TSPEAR: variants seen among roughly 807,000 people sequenced by gnomAD.
The protein encoded by TSPEAR is thrombospondin-type laminin G domain and EAR repeat-containing protein.
TSPEAR carries 69 observed loss-of-function variants against 71.6 expected under a neutral mutation model. The ratio of observed to expected loss-of-function variants is 0.96; its 90% CI spans 0.79 to 1.18. The LOEUF (loss-of-function observed/expected upper bound fraction) is 1.18. Among genes scored for constraint, TSPEAR ranks in the 50% most tolerant of loss-of-function variants. The pLI, the probability that TSPEAR is intolerant of heterozygous loss-of-function variation, is 0.00. For missense variants in TSPEAR, 971 were observed against 894.9 expected, an observed-to-expected ratio of 1.09 and a Z score of -1.09; for synonymous variants, 402 against 387.2, an observed-to-expected ratio of 1.04 and a Z score of -0.45.
At chr21:44,644,256 C>T (rs1361697582) in intron 1 of TSPEAR, among the ~76,000 whole-genome samples, 1 of 152,214 alleles carries the variant, frequency 6.6e-6, no homozygotes, top group Admixed American at 6.5e-5. Context: ...ACAGTTGCAC[C>T]TCATGTTGTG....
intron 1 of TSPEAR, among the ~76,000 whole-genome samples, chr21:44,689,731 A>ATT (rs1987040564): frequency 8.4e-6 from 1 of 118,474 alleles, no homozygotes; most frequent in African/African-American, 3.5e-5. Context: ...ATATATATAT[A>ATT]TATATATATT....
At position 44,674,233 on chromosome 21, in the gene TSPEAR, G is replaced by C. The variant is rs187818890; in HGVS notation, c.82+37200C>G. Reference sequence around the variant, plus strand: ...TTAGTAGAAGGAAAGAGACAATAAAGTATATAGCTAAACAAAATAGACTTT... The same window carrying C: ...TTAGTAGAAGGAAAGAGACAATAAACTATATAGCTAAACAAAATAGACTTT... On this transcript the variant is annotated intron_variant, in intron 1 of 11. Transcript: ENST00000323084. Among the ~76,000 whole-genome samples the C allele has an allele frequency of 6.7e-5, 10 of 150,186 alleles. No homozygotes were observed. In the East Asian group the frequency reaches 1.9e-3, roughly 29 times the overall value.
intron 1 of TSPEAR, among the ~76,000 whole-genome samples, chr21:44,634,340 G>T (rs781828076): frequency 1.8e-4 from 27 of 152,104 alleles, no homozygotes; most frequent in Admixed American, 1.7e-3. Flanking sequence ...AACTAAAAAT[G>T]GATCAAAGCC....
chr21:44,574,459 G>T (rs1467336415), intron 1 of TSPEAR: 5 of 1,601,264 alleles, frequency 3.1e-6, no homozygotes, highest in Non-Finnish European at 4.3e-6. Flanking sequence ...CCCGTCTGCT[G>T]CAAGACTGTC....
chr21:44,628,385 T>C (rs1258451045), intron 1 of TSPEAR: 9 of 342,254 alleles, frequency 2.6e-5, no homozygotes, highest in African/African-American at 6.3e-5. Context: ...CCCAGCTGAC[T>C]CCGTGCTGAC....
In TSPEAR at chr21:44,559,247, G is replaced by A. The variant is rs190597112; in HGVS notation, c.303+8538C>T. Among the ~76,000 whole-genome samples the A allele has an allele frequency of 5.9e-5, 9 of 152,008 alleles. No homozygotes were observed. The South Asian group carries it at 6.2e-4, about 11-fold the overall frequency. ...AGATGCTCAGTTGGCCTGGCCACACGGCGAGATCCACCCTGTGGGTTGACA... is the reference window on the plus strand; with the variant it reads ...AGATGCTCAGTTGGCCTGGCCACACAGCGAGATCCACCCTGTGGGTTGACA... On this transcript the variant is annotated intron_variant, in intron 2 of 11. Coordinates refer to ENST00000323084, the MANE Select transcript of TSPEAR (RefSeq NM_144991.3).
intron 1 of TSPEAR, among the ~76,000 whole-genome samples, chr21:44,591,103 G>C (rs233298): frequency 0.082 from 12,461 of 151,320 alleles, 219 homozygotes; most frequent in East Asian, 0.18. Flanking sequence ...ACAGGACAGA[G>C]GTTGGTGTGA....
intron 1 of TSPEAR, chr21:44,666,866 G>A (rs199664418): frequency 1.9e-6 from 3 of 1,613,588 alleles, no homozygotes; most frequent in African/African-American, 1.3e-5. Flanking sequence ...GGCAGCCCGA[G>A]GAGCAGCTGG....
intron 1 of TSPEAR, among the ~76,000 whole-genome samples, chr21:44,657,324 G>A (rs1393009543): frequency 1.3e-5 from 2 of 152,144 alleles, no homozygotes; most frequent in South Asian, 2.1e-4. Context: ...ATAACTTCTT[G>A]TATAGATTAC....
intron 2 of TSPEAR, among the ~76,000 whole-genome samples, chr21:44,544,249 C>A (rs1018540219): frequency 8.6e-5 from 13 of 151,888 alleles, no homozygotes; most frequent in African/African-American, 2.9e-4. Flanking sequence ...ATACTAAACA[C>A]TGTGGGATTC....
rs189440962 is a variant in TSPEAR at position 44,678,440 on chromosome 21, G to C, written c.82+32993C>G. Among the ~76,000 whole-genome samples the C allele has an allele frequency of 4.2e-3, 635 of 152,196 alleles. 23 individuals are homozygous for C. Among genetic ancestry groups the C allele is most frequent in the Admixed American group, 0.04 (605 of 15,292 alleles). On this transcript the variant is annotated intron_variant, in intron 1 of 11. Transcript: ENST00000323084. Reference sequence around the variant, plus strand: ...AGCACTGGTGCCCCTTTTGCCTTCTGCCATGACTGTAAGCTTCCTGAGGCC... The same window carrying C: ...AGCACTGGTGCCCCTTTTGCCTTCTCCCATGACTGTAAGCTTCCTGAGGCC...
At chr21:44,515,246 T>C (rs1343123464) in intron 9 of TSPEAR, among the ~76,000 whole-genome samples, 1 of 152,232 alleles carries the variant, frequency 6.6e-6, no homozygotes, top group Non-Finnish European at 1.5e-5. Flanking sequence ...TTTGTGAGTT[T>C]TGAGGAATTA....
chr21:44,578,582 G>A (rs964620001), intron 1 of TSPEAR, among the ~76,000 whole-genome samples: 4 of 152,216 alleles, frequency 2.6e-5, no homozygotes, highest in South Asian at 2.1e-4. Flanking sequence ...TGGCAGGGAT[G>A]CCCTTGGTGG....
At chr21:44,540,158 TG>T in intron 2 of TSPEAR, 1 of 1,609,702 alleles carries the variant, frequency 6.2e-7, no homozygotes, top group South Asian at 1.1e-5. Context: ...CATGCTGGGG[TG>T]GGGAGGAGGT....
At chr21:44,500,291 G>A (rs113976808) in intron 11 of TSPEAR, among the ~76,000 whole-genome samples, 2 of 152,256 alleles carry the variant, frequency 1.3e-5, no homozygotes, top group African/African-American at 2.4e-5. Flanking sequence ...TCAAACACAC[G>A]CAGGCCACCA....
At chr21:44,671,917 A>T (rs1255380164) in intron 1 of TSPEAR, among the ~76,000 whole-genome samples, 1 of 152,204 alleles carries the variant, frequency 6.6e-6, no homozygotes, top group Non-Finnish European at 1.5e-5. Context: ...ATTCTGTGAG[A>T]TATAAGATAA....
chr21:44,655,475 G>A (rs1985089371), intron 1 of TSPEAR, among the ~76,000 whole-genome samples: 1 of 152,174 alleles, frequency 6.6e-6, no homozygotes, highest in African/African-American at 2.4e-5. Flanking sequence ...CCTCAGAAGT[G>A]CCCACTTCCC....
rs58371883 is a variant in TSPEAR, at chr21:44,600,580, A to G, written c.83-32575T>C. The stretch of plus-strand genomic sequence containing the variant: ...CACGGACTCACTCACTCATTCACTC[A>G]CTCACCCACTCACTCCCATCTCCTC... On this transcript the variant is annotated intron_variant, in intron 1 of 11. Transcript: ENST00000323084. 128 of 1,586,310 alleles carry G rather than the reference A, an allele frequency of 8.1e-5. No homozygotes were observed. In the African/African-American group the frequency reaches 1.5e-3, roughly 19 times the overall value.
intron 1 of TSPEAR, among the ~76,000 whole-genome samples, chr21:44,610,309 G>A (rs587753889): frequency 4.6e-5 from 7 of 152,296 alleles, no homozygotes; most frequent in African/African-American, 1.4e-4. Context: ...CTGGAGGCCT[G>A]GGAGGAAAAA....
Sources: allele counts gnomAD v4.1 joint callset (sites outside exome capture counted in the v4.1 genomes callset), GRCh38; gene constraint gnomAD v4.1.1; transcripts MANE v1.5; gene names NCBI Gene and HGNC (gene_info 2026-07-23, HGNC 2026-07-21).